Variants in CRADD observed in about 807,000 individuals in gnomAD.
CRADD encodes the protein death domain-containing protein CRADD.
In CRADD, 9 loss-of-function variants were observed where a neutral mutation model predicts 15.5. That is an observed-to-expected ratio of 0.58 (90% CI 0.35 to 1.01). CRADD has a LOEUF of 1.01. Among genes scored for constraint, CRADD ranks in the 50% least tolerant of loss-of-function variants. CRADD has a pLI of 0.02. For synonymous variants in CRADD, 118 were observed against 107.6 expected (o/e 1.10, Z -0.60); for missense variants, 227 against 250.3 (o/e 0.91, Z 0.63).
At chr12:93,890,772 T>G (rs555207524) in intron 2 of CRADD, among the ~76,000 whole-genome samples, 111 of 151,798 alleles carry the variant, frequency 7.3e-4, no homozygotes, top group African/African-American at 2.6e-3. Context: ...TCTTTTTTTT[T>G]TTTTGAGACA....
intron 2 of CRADD, among the ~76,000 whole-genome samples, chr12:93,796,620 A>T (rs1175881192): frequency 1.3e-5 from 2 of 148,818 alleles, no homozygotes; most frequent in Non-Finnish European, 3.0e-5. Flanking sequence ...AAAAAAAGCC[A>T]TCTGGATAAT....
intron 2 of CRADD, among the ~76,000 whole-genome samples, chr12:93,748,875 C>T (rs137991276): frequency 7.2e-4 from 110 of 152,304 alleles, no homozygotes; most frequent in African/African-American, 2.6e-3. Context: ...GCTGATAGTG[C>T]CTTGCCTTAT....
chr12:93,842,244 A>G (rs1958057848), intron 2 of CRADD, among the ~76,000 whole-genome samples: 1 of 152,200 alleles, frequency 6.6e-6, no homozygotes, highest in Admixed American at 6.5e-5. Context: ...GAGGTTGACC[A>G]GACAGGACCC....
At chr12:93,818,990 G>T (rs565137125) in intron 2 of CRADD, among the ~76,000 whole-genome samples, 1 of 152,214 alleles carries the variant, frequency 6.6e-6, no homozygotes, top group Non-Finnish European at 1.5e-5. Context: ...AGAACAATTA[G>T]CCAATTCATT....
chr12:93,829,318 T>C (rs1957862959), intron 2 of CRADD, among the ~76,000 whole-genome samples: 1 of 152,124 alleles, frequency 6.6e-6, no homozygotes, highest in Non-Finnish European at 1.5e-5. Context: ...TATTATGCTG[T>C]GTAGGATTTT....
At chr12:93,680,637 C>T (rs1308652118) in intron 2 of CRADD, among the ~76,000 whole-genome samples, 1 of 152,106 alleles carries the variant, frequency 6.6e-6, no homozygotes, top group Admixed American at 6.5e-5. Flanking sequence ...CATGTCTGAA[C>T]AAAATGTATC....
chr12:93,692,798 G>A (rs1394013827), intron 2 of CRADD, among the ~76,000 whole-genome samples: 1 of 152,154 alleles, frequency 6.6e-6, no homozygotes, highest in Non-Finnish European at 1.5e-5. Flanking sequence ...AACTTACATA[G>A]TCAAATTTGG....
At chr12:93,830,891 G>T (rs951672110) in intron 2 of CRADD, among the ~76,000 whole-genome samples, 1 of 152,172 alleles carries the variant, frequency 6.6e-6, no homozygotes, top group Non-Finnish European at 1.5e-5. Flanking sequence ...AGCTAAATTT[G>T]CCCATTTCTG....
chr12:93,747,546 C>T (rs1190874015), intron 2 of CRADD, among the ~76,000 whole-genome samples: 1 of 151,854 alleles, frequency 6.6e-6, no homozygotes, highest in East Asian at 1.9e-4. Context: ...CCACAACCTC[C>T]ACCTCCCCGC....
intron 2 of CRADD, 73 bp downstream of exon 2, chr12:93,679,145 T>C (rs1365358867): frequency 1.6e-6 from 2 of 1,255,838 alleles, no homozygotes; most frequent in Non-Finnish European, 2.2e-6. Context: ...TTTGTTTATT[T>C]GTTTGTTTGT....
At chr12:93,719,868 A>G (rs1035763407) in intron 2 of CRADD, among the ~76,000 whole-genome samples, 7 of 152,024 alleles carry the variant, frequency 4.6e-5, no homozygotes, top group Non-Finnish European at 7.4e-5. Flanking sequence ...GATTTCATCT[A>G]TCTTTTCAAA....
chr12:93,893,698 G>C (rs973363212), intron 2 of CRADD, among the ~76,000 whole-genome samples: 1 of 152,094 alleles, frequency 6.6e-6, no homozygotes, highest in Non-Finnish European at 1.5e-5. Flanking sequence ...CTGAGGTCAG[G>C]AGTTCAGGAC....
intron 2 of CRADD, among the ~76,000 whole-genome samples, chr12:93,825,095 G>A (rs1017828616): frequency 6.6e-6 from 1 of 152,162 alleles, no homozygotes; most frequent in Non-Finnish European, 1.5e-5. Flanking sequence ...AATTAAGGGA[G>A]CACTCTTCTC....
intron 2 of CRADD, among the ~76,000 whole-genome samples, chr12:93,781,486 C>T (rs1238489800): frequency 6.6e-6 from 1 of 152,160 alleles, no homozygotes; most frequent in Non-Finnish European, 1.5e-5. Context: ...AAGCAACAAC[C>T]ATTAATGAAT....
At chr12:93,763,758 G>A (rs559180860) in intron 2 of CRADD, among the ~76,000 whole-genome samples, 1 of 152,282 alleles carries the variant, frequency 6.6e-6, no homozygotes, top group East Asian at 1.9e-4. Context: ...GCCCCAGGCT[G>A]TGCTCACAAT....
intron 2 of CRADD, among the ~76,000 whole-genome samples, chr12:93,764,111 A>T (rs1204910355): frequency 6.6e-6 from 1 of 152,080 alleles, no homozygotes; most frequent in Non-Finnish European, 1.5e-5. Flanking sequence ...AAGGTCTTGT[A>T]AATCACATTA....
intron 2 of CRADD, among the ~76,000 whole-genome samples, chr12:93,768,295 A>G (rs2136957400): frequency 6.6e-6 from 1 of 152,374 alleles, no homozygotes; most frequent in South Asian, 2.1e-4. Flanking sequence ...TAAAAGTCAC[A>G]AAGGATTCAA....
At chr12:93,728,145 C>T (rs187478207) in intron 2 of CRADD, among the ~76,000 whole-genome samples, 8 of 152,322 alleles carry the variant, frequency 5.3e-5, no homozygotes, top group African/African-American at 1.2e-4. Context: ...GAAACAGTCA[C>T]GTTTGGCTCC....
Position 93,850,570 on chromosome 12 carries a change from A to G in CRADD, c.*299A>G. 1 of 1,009,418 alleles carries G rather than the reference A, an allele frequency of 9.9e-7. No individual in the cohort carries two copies. The highest frequency in any genetic ancestry group is 1.2e-6 in the Non-Finnish European group (1 of 827,602). The allele number at this position is 1,009,418 out of a possible 1,614,324, so 62.5% of individuals were successfully genotyped here. A position where few individuals can be genotyped will look rare whatever the true frequency, so the allele number is the denominator to read the frequency against. On this transcript the variant is annotated 3_prime_UTR_variant, in exon 3 of 3. Transcript: ENST00000332896. The surrounding 1 kb of genome is among the most constrained non-coding windows in gnomAD (Gnocchi z 4.0). ...ATAGACTAGTAAATCACAGTGGTTC[A>G]AAATATATATCCATATATATATATA...
Sources: gnomAD v4.1 joint callset for allele counts (sites outside exome capture counted in the v4.1 genomes callset) on GRCh38, gnomAD v4.1.1 for gene constraint, Gnocchi (gnomAD v3.1) non-coding constraint, MANE v1.5 for transcripts, NCBI Gene and HGNC (gene_info 2026-07-23, HGNC 2026-07-21) for gene names.